OR7D4: variants seen among roughly 807,000 people sequenced by gnomAD.
The protein encoded by OR7D4 is olfactory receptor family 7 subfamily D member 4, also known as olfactory receptor 7D4.
For synonymous variants in OR7D4, 154 were observed against 158.4 expected (o/e 0.97, Z 0.21); for missense variants, 319 against 377.1 (o/e 0.85, Z 1.27).
Position 9,210,686 on chromosome 19 carries a change from T to TCACACACACACACA in OR7D4, c.*3199_*3212dup, listed in dbSNP as rs141744966. The stretch of plus-strand genomic sequence containing the variant: ...TCATTAAAGAATTTACTAGGTGATC[T>TCACACACACACACA]CACACACACACACACACACACAACA... On this transcript the variant is annotated 3_prime_UTR_variant, in exon 2 of 2. Transcript: ENST00000641669. 17,276 of 149,670 alleles carry TCACACACACACACA rather than the reference T, an allele frequency of 0.12. 1,565 individuals are homozygous for TCACACACACACACA. The highest frequency in any genetic ancestry group is 0.24 in the African/African-American group (9,916 of 40,680). 9.3% of individuals were successfully genotyped at this position (149,670 alleles called of 1,614,324 possible).
Position 9,214,850 on chromosome 19 carries a change from T to G in OR7D4, c.-13A>C. 1 of 1,556,858 alleles carries G rather than the reference T, an allele frequency of 6.4e-7. No homozygotes were observed. Among genetic ancestry groups the G allele is most frequent in the Non-Finnish European group, 8.7e-7 (1 of 1,147,688 alleles). ...TTTCTGCTTCCATGTAGCTGTTGTGTCTGCTGGGGAAGGAGGAAAAAGCAA... is the reference window on the plus strand; with the variant it reads ...TTTCTGCTTCCATGTAGCTGTTGTGGCTGCTGGGGAAGGAGGAAAAAGCAA... On this transcript the variant is annotated splice_region_variant and 5_prime_UTR_variant, in exon 2 of 2. Transcript: ENST00000641669.
At chr19:9,218,963 G>A (rs750603306) in intron 1 of OR7D4, among the ~76,000 whole-genome samples, 16 of 151,484 alleles carry the variant, frequency 1.1e-4, no homozygotes, top group Non-Finnish European at 2.2e-4. Context: ...AAAAAAAATT[G>A]GACTGCATGT....
intron 1 of OR7D4, among the ~76,000 whole-genome samples, chr19:9,215,308 A>C (rs2051203580): frequency 2.2e-5 from 3 of 134,946 alleles, no homozygotes; most frequent in African/African-American, 8.0e-5. Context: ...ATGGCACTGC[A>C]CTCCAGCCTG....
rs1206595522 is a variant in OR7D4 at position 9,214,532 on chromosome 19, A to C, written c.306T>G (p.Tyr102Ter). 6.2e-7 allele frequency: 1 copy of C among 1,614,208 alleles called. No individual in the cohort carries two copies. Among genetic ancestry groups the C allele is most frequent in the South Asian group, 1.1e-5 (1 of 91,086 alleles). ...ISYMGCLTQVYFLMMFAGMDT... is the reference protein window; with the variant it reads ...ISYMGCLTQV The stretch of plus-strand genomic sequence containing the variant: ...CCATTCCAGCAAACATCATTAAAAA[A>C]TACACCTGAGTGAGGCACCCCATGT... Residue 102 changes from tyrosine (Y) to a stop codon, truncating the protein, a stop_gained, in exon 2 of 2, where the codon TAT becomes TAG. Coordinates refer to ENST00000641669, the MANE Select transcript of OR7D4 (RefSeq NM_001005191.3). LOFTEE classifies it low-confidence loss of function (END_TRUNC).
intron 1 of OR7D4, among the ~76,000 whole-genome samples, chr19:9,216,198 C>T (rs1381999962): frequency 1.3e-5 from 2 of 152,212 alleles, no homozygotes; most frequent in East Asian, 1.9e-4. Context: ...CCACCCCCTG[C>T]ACCCCACAGT....
Position 9,213,942 on chromosome 19 carries a change from C to G in OR7D4, c.896G>C (p.Gly299Ala), listed in dbSNP as rs766657004. Residue 299 changes from glycine (G) to alanine (A), a missense_variant, in exon 2 of 2, where the codon GGG becomes GCG. Transcript: ENST00000641669. ...CCTGCTGAGGAGTCTTTCCAGGGCC[C>G]CCTTCACATCCTTGTTCCTCAGGCT... ...IYSLRNKDVK[G>A]ALERLLSRAD... 6.2e-7 allele frequency: 1 copy of G among 1,614,114 alleles called. No individual in the cohort carries two copies. The highest frequency in any genetic ancestry group is 1.1e-5 in the South Asian group (1 of 91,082).
chr19:9,218,932 C>T (rs935417333), intron 1 of OR7D4, among the ~76,000 whole-genome samples: 7 of 150,544 alleles, frequency 4.6e-5, no homozygotes, highest in African/African-American at 1.7e-4. Flanking sequence ...CTACGTTCAG[C>T]CAAGGGATTT....
rs5020278 is a variant in OR7D4, at chr19:9,214,440, G to A, written c.398C>T (p.Thr133Met). ...ACAGAGGCAGGGGTTCATGATGACC[G>A]TGTAGTGCAGTGGGTGGCAGATGGC... ...FVAICHPLHY[T>M]VIMNPCLCGL... The change falls in exon 2 of 2, where the codon ACG becomes ATG. Residue 133 changes from threonine to methionine, a missense_variant. Coordinates refer to ENST00000641669, the MANE Select transcript of OR7D4 (RefSeq NM_001005191.3). The A allele has an allele frequency of 0.17, 276,618 of 1,613,770 alleles. 24,773 individuals are homozygous for A. Among genetic ancestry groups the A allele is most frequent in the East Asian group, 0.23 (10,370 of 44,860 alleles).
chr19:9,213,988 T>C lies in OR7D4; in HGVS notation c.850A>G (p.Met284Val). Residue 284 changes from methionine (M) to valine (V), a missense_variant, in exon 2 of 2, where the codon ATG becomes GTG. By Grantham distance (21) the Met-to-Val change is conservative (BLOSUM62 1). Coordinates refer to ENST00000641669, the MANE Select transcript of OR7D4 (RefSeq NM_001005191.3). ...AGGCTGTAGATGAAGGGGTTCAGCA[T>C]GGGGGTGACCATGGCGTACATCACT... ...ASVMYAMVTP[M>V]LNPFIYSLRN... 3.7e-6 allele frequency: 6 copies of C among 1,614,086 alleles called. No individual in the cohort carries two copies. Among genetic ancestry groups the C allele is most frequent in the Non-Finnish European group, 4.2e-6 (5 of 1,180,004 alleles).
Position 9,212,925 on chromosome 19 carries a change from T to A in OR7D4, c.*974A>T, listed in dbSNP as rs2051182085. 1 of 152,160 alleles carries A rather than the reference T, an allele frequency of 6.6e-6. No homozygotes were observed. Among genetic ancestry groups the A allele is most frequent in the Non-Finnish European group, 1.5e-5 (1 of 68,052 alleles). 9.4% of individuals were successfully genotyped at this position (152,160 alleles called of 1,614,324 possible). A position where few individuals can be genotyped will look rare whatever the true frequency, so the allele number is the denominator to read the frequency against. On this transcript the variant is annotated 3_prime_UTR_variant, in exon 2 of 2. Coordinates refer to ENST00000641669, the MANE Select transcript of OR7D4 (RefSeq NM_001005191.3). ...GAGCCACTGTGCCCCGAAAATTTTA[T>A]ATCACTGTTTTTATGGAAAGTAGGA... is the stretch of plus-strand genomic sequence containing the variant.
At chr19:9,216,600 T>C (rs2051213135) in intron 1 of OR7D4, among the ~76,000 whole-genome samples, 1 of 148,962 alleles carries the variant, frequency 6.7e-6, no homozygotes, top group African/African-American at 2.5e-5. Context: ...GTTCTTTTGC[T>C]TTTTTTTTTG....
In OR7D4 at chr19:9,213,388, T is replaced by A. The variant is rs1194336987; in HGVS notation, c.*511A>T. On this transcript the variant is annotated 3_prime_UTR_variant, in exon 2 of 2. Coordinates refer to ENST00000641669, the MANE Select transcript of OR7D4 (RefSeq NM_001005191.3). ...TACAGAGGGAGTTTTTAGGAGAAAC[T>A]AACACAAAAACAAAAGCAAAATCAT... The A allele has an allele frequency of 6.6e-6, 1 of 151,542 alleles. No homozygotes were observed. Among genetic ancestry groups the A allele is most frequent in the Non-Finnish European group, 1.5e-5 (1 of 68,304 alleles). 9.4% of individuals were successfully genotyped at this position (151,542 alleles called of 1,614,324 possible).
At chr19:9,217,371 T>C (rs898560696) in intron 1 of OR7D4, among the ~76,000 whole-genome samples, 4 of 152,174 alleles carry the variant, frequency 2.6e-5, no homozygotes, top group Non-Finnish European at 5.9e-5. Context: ...AAATTTGCAT[T>C]TTTCATGATG....
At position 9,212,576 on chromosome 19, in the gene OR7D4, T is replaced by C. The variant is rs1286100201; in HGVS notation, c.*1323A>G. 2 of 152,110 alleles carry C rather than the reference T, an allele frequency of 1.3e-5. No individual in the cohort carries two copies. Among genetic ancestry groups the C allele is most frequent in the Admixed American group, 6.6e-5 (1 of 15,266 alleles). 9.4% of individuals were successfully genotyped at this position (152,110 alleles called of 1,614,324 possible). Reference sequence around the variant, plus strand: ...ACCTGTAGTGAGACACCTAAGGGGTTTGTGCTCCCAGATTCCACGGCTCTG... The same window carrying C: ...ACCTGTAGTGAGACACCTAAGGGGTCTGTGCTCCCAGATTCCACGGCTCTG... On this transcript the variant is annotated 3_prime_UTR_variant, in exon 2 of 2. Coordinates refer to ENST00000641669, the MANE Select transcript of OR7D4 (RefSeq NM_001005191.3).
chr19:9,217,303 A>G (rs11878807), intron 1 of OR7D4, among the ~76,000 whole-genome samples: 2,532 of 152,332 alleles, frequency 0.017, 66 homozygotes, highest in African/African-American at 0.057. Context: ...AAAATTTAAA[A>G]ATTTCTATAA....
Position 9,214,844 on chromosome 19 carries a change from G to T in OR7D4, c.-7C>A, listed in dbSNP as rs1299875270. ...TAAGGTTTTCTGCTTCCATGTAGCT[G>T]TTGTGTCTGCTGGGGAAGGAGGAAA... On this transcript the variant is annotated 5_prime_UTR_variant, in exon 2 of 2. Transcript: ENST00000641669. 1 of 1,569,680 alleles carries T rather than the reference G, an allele frequency of 6.4e-7. No individual in the cohort carries two copies. Among genetic ancestry groups the T allele is most frequent in the Admixed American group, 1.8e-5 (1 of 56,468 alleles).
intron 1 of OR7D4, 99 bp from the exon 2 acceptor site, chr19:9,214,949 CCCTTCCTGGAGTCCT>C: frequency 1.6e-6 from 1 of 642,262 alleles, no homozygotes; most frequent in South Asian, 1.9e-5. Flanking sequence ...ACATTTGTCA[CCCTTCCTGGAGTCCT>C]TACAAAGACA....
rs2051179794 is a variant in OR7D4, at chr19:9,212,625, G to C, written c.*1274C>G. On this transcript the variant is annotated 3_prime_UTR_variant, in exon 2 of 2. Transcript: ENST00000641669. ...TGATTTCTGTGGGCTTATAGGGCTT[G>C]TATTTCAAAGGGATAGCATGTCAGA... 6.6e-6 allele frequency: 1 copy of C among 152,118 alleles called. No individual in the cohort carries two copies. Among genetic ancestry groups the C allele is most frequent in the Non-Finnish European group, 1.5e-5 (1 of 68,032 alleles). The allele number at this position is 152,118 out of a possible 1,614,324, so 9.4% of individuals were successfully genotyped here.
In OR7D4 at chr19:9,212,617, T is replaced by C. The variant is rs894514656; in HGVS notation, c.*1282A>G. 6.6e-6 allele frequency: 1 copy of C among 152,332 alleles called. No homozygotes were observed. The highest frequency in any genetic ancestry group is 2.1e-4 in the South Asian group (1 of 4,830). The allele number at this position is 152,332 out of a possible 1,614,324, so 9.4% of individuals were successfully genotyped here. On this transcript the variant is annotated 3_prime_UTR_variant, in exon 2 of 2. Coordinates refer to ENST00000641669, the MANE Select transcript of OR7D4 (RefSeq NM_001005191.3). ...CACGGCTCTGATTTCTGTGGGCTTA[T>C]AGGGCTTGTATTTCAAAGGGATAGC...
Sources: allele counts gnomAD v4.1 joint callset (sites outside exome capture counted in the v4.1 genomes callset), GRCh38; gene constraint gnomAD v4.1.1; transcripts MANE v1.5; gene names NCBI Gene and HGNC (gene_info 2026-07-23, HGNC 2026-07-21).